Variants in TSNARE1 observed in about 807,000 individuals in gnomAD.
TSNARE1 encodes the protein t-SNARE domain containing 1.
In TSNARE1, 49 loss-of-function variants were observed where a neutral mutation model predicts 62.0. The ratio of observed to expected loss-of-function variants is 0.79; its 90% CI spans 0.63 to 1.00. The LOEUF (loss-of-function observed/expected upper bound fraction) is 1.00. Among genes scored for constraint, TSNARE1 ranks in the 50% least tolerant of loss-of-function variants. TSNARE1 has a pLI of 0.00. For synonymous variants in TSNARE1, 328 were observed against 294.4 expected, an observed-to-expected ratio of 1.11 and a Z score of -1.17; for missense variants, 755 against 700.1, an observed-to-expected ratio of 1.08 and a Z score of -0.88.
At chr8:142,324,451 G>C (rs1172215917) in intron 6 of TSNARE1, among the ~76,000 whole-genome samples, 1 of 152,202 alleles carries the variant, frequency 6.6e-6, no homozygotes, top group African/African-American at 2.4e-5. Flanking sequence ...AGTCTGCGAG[G>C]CCTGCCTGGG....
intron 12 of TSNARE1, chr8:142,270,759 A>T: frequency 1.0e-6 from 1 of 985,300 alleles, no homozygotes; most frequent in Non-Finnish European, 1.2e-6. Context: ...GCTTCCAGGG[A>T]CGCTGGGCTG....
At chr8:142,299,119 A>C (rs1825249674) in intron 10 of TSNARE1, among the ~76,000 whole-genome samples, 1 of 152,168 alleles carries the variant, frequency 6.6e-6, no homozygotes, top group Non-Finnish European at 1.5e-5. Context: ...CTCACAGAGG[A>C]GGCGGGGGCC....
intron 10 of TSNARE1, among the ~76,000 whole-genome samples, chr8:142,296,952 C>G (rs528558278): frequency 6.0e-4 from 91 of 152,292 alleles, no homozygotes; most frequent in Admixed American, 1.8e-3. Flanking sequence ...CATGGCACCC[C>G]CTGGGTCCTC....
intron 1 of TSNARE1, 38 bp from the exon 2 acceptor site, chr8:142,354,801 G>A (rs760492045): frequency 3.2e-6 from 4 of 1,240,432 alleles, no homozygotes; most frequent in Admixed American, 3.5e-5. Flanking sequence ...AGAGGGGGAA[G>A]ACATGGGGAT....
chr8:142,398,491 G>T (rs67369398), intron 1 of TSNARE1, among the ~76,000 whole-genome samples: 67 of 151,146 alleles, frequency 4.4e-4, no homozygotes, highest in Admixed American at 1.1e-3. Context: ...TCACTCCACC[G>T]CCTCAACCTT....
intron 12 of TSNARE1, among the ~76,000 whole-genome samples, chr8:142,231,255 T>C (rs1742125893): frequency 6.6e-6 from 1 of 152,182 alleles, no homozygotes; most frequent in African/African-American, 2.4e-5. Context: ...TTGCTACCTG[T>C]GTTCTTGGCC....
rs1835267327 is a variant in TSNARE1, at chr8:142,362,891, G to A, written c.-39-8128C>T. ...CATGGGACCAAGAAGGGAAATCTCA[G>A]AGGGTGGGTGTGAAGACCAGTGAGA... is the stretch of plus-strand genomic sequence containing the variant. On this transcript the variant is annotated intron_variant, in intron 1 of 13. Coordinates refer to ENST00000524325, the MANE Select transcript of TSNARE1 (RefSeq NM_145003.5). Among the ~76,000 whole-genome samples the A allele has an allele frequency of 3.3e-5, 5 of 152,212 alleles. No homozygotes were observed. The South Asian group carries it at 1.0e-3, about 32-fold the overall frequency.
At chr8:142,273,292 C>G in intron 12 of TSNARE1, 1 of 985,442 alleles carries the variant, frequency 1.0e-6, no homozygotes, top group Non-Finnish European at 1.2e-6. Flanking sequence ...GAGGGGTCAT[C>G]TTGCTGGCTG....
intron 12 of TSNARE1, among the ~76,000 whole-genome samples, chr8:142,244,114 A>G (rs1159461139): frequency 6.6e-6 from 1 of 152,218 alleles, no homozygotes; most frequent in African/African-American, 2.4e-5. Context: ...TGAACCCGGG[A>G]GGCGGAGCTT....
At chr8:142,292,455 G>A (rs765041473) in intron 10 of TSNARE1, among the ~76,000 whole-genome samples, 27 of 152,176 alleles carry the variant, frequency 1.8e-4, no homozygotes, top group Non-Finnish European at 2.9e-4. Context: ...CGAGGGAGAC[G>A]TGAGGGTCCA....
chr8:142,265,285 C>G (rs1198251673), intron 12 of TSNARE1, among the ~76,000 whole-genome samples: 1 of 152,236 alleles, frequency 6.6e-6, no homozygotes, highest in Non-Finnish European at 1.5e-5. Context: ...TGACAACCAG[C>G]CACCGCTCTG....
At chr8:142,238,605 G>A (rs923533469) in intron 12 of TSNARE1, among the ~76,000 whole-genome samples, 15 of 151,596 alleles carry the variant, frequency 9.9e-5, no homozygotes, top group Admixed American at 9.2e-4. Context: ...TCCCCTCCAC[G>A]CCATTCTCCA....
chr8:142,291,487 G>A lies in TSNARE1; in HGVS notation c.1291-7002C>T, dbSNP rs1823737835. Among the ~76,000 whole-genome samples, 1 of 152,136 alleles carries A rather than the reference G, an allele frequency of 6.6e-6. No individual in the cohort carries two copies. The highest frequency in any genetic ancestry group is 2.4e-5 in the African/African-American group (1 of 41,446). On this transcript the variant is annotated intron_variant, in intron 10 of 13. Coordinates refer to ENST00000524325, the MANE Select transcript of TSNARE1 (RefSeq NM_145003.5). This position sits in a 1 kb window ranked among gnomAD's most constrained non-coding sequence, Gnocchi z 4.8. ...AACACAGAGCCTCCATGGAGTCCCA[G>A]GATAGAAACACACTCACCCAGCCCC...
intron 1 of TSNARE1, among the ~76,000 whole-genome samples, chr8:142,400,690 C>A (rs1838225307): frequency 6.6e-6 from 1 of 152,186 alleles, no homozygotes; most frequent in Non-Finnish European, 1.5e-5. Context: ...GACAGCCTAA[C>A]CCCTAGCCAA....
intron 2 of TSNARE1, 75 bp downstream of exon 2, chr8:142,354,562 A>G: frequency 9.5e-7 from 1 of 1,049,744 alleles, no homozygotes; most frequent in Non-Finnish European, 1.4e-6. Flanking sequence ...AGCCATCAGC[A>G]TGACACAGTG....
At position 142,327,173 on chromosome 8, in the gene TSNARE1, C is replaced by T. The variant is rs371982081; in HGVS notation, c.893+3728G>A. 7.9e-5 allele frequency among the ~76,000 whole-genome samples: 12 copies of T among 152,350 alleles called. No homozygotes were observed. In the East Asian group the frequency reaches 1.2e-3, roughly 15 times the overall value. On this transcript the variant is annotated intron_variant, in intron 6 of 13. Coordinates refer to ENST00000524325, the MANE Select transcript of TSNARE1 (RefSeq NM_145003.5). ...GCAAACACCTACCGCAAACATTCAC[C>T]GCAGCTTTATTCATCATGGTCAAAA... is the stretch of plus-strand genomic sequence containing the variant.
intron 1 of TSNARE1, among the ~76,000 whole-genome samples, chr8:142,395,527 T>A (rs996491474): frequency 6.6e-6 from 1 of 152,138 alleles, no homozygotes; most frequent in African/African-American, 2.4e-5. Context: ...GCACCGCAGA[T>A]GCCAAGTGAC....
intron 4 of TSNARE1, among the ~76,000 whole-genome samples, chr8:142,338,597 C>G (rs1051104935): frequency 2.0e-5 from 3 of 152,234 alleles, no homozygotes; most frequent in African/African-American, 7.2e-5. Flanking sequence ...GACAGGCTGC[C>G]TGGACCACTG....
chr8:142,306,030 G>A (rs1196948271), intron 9 of TSNARE1, among the ~76,000 whole-genome samples: 3 of 152,212 alleles, frequency 2.0e-5, no homozygotes, highest in Non-Finnish European at 4.4e-5. Context: ...ACCCGAGGGA[G>A]GGCAGGGGCC....
Sources: gnomAD v4.1 joint callset for allele counts (sites outside exome capture counted in the v4.1 genomes callset) on GRCh38, gnomAD v4.1.1 for gene constraint, Gnocchi (gnomAD v3.1) non-coding constraint, MANE v1.5 for transcripts, NCBI Gene and HGNC (gene_info 2026-07-23, HGNC 2026-07-21) for gene names.